Variants in ARHGEF10 observed in about 807,000 individuals in gnomAD.
The protein encoded by ARHGEF10 is Rho guanine nucleotide exchange factor 10.
Under a neutral mutation model 147.4 loss-of-function variants are expected in ARHGEF10, and 140 were observed. The ratio of observed to expected loss-of-function variants is 0.95; its 90% CI spans 0.83 to 1.09. ARHGEF10 has a LOEUF of 1.09. ARHGEF10 is among the 50% of genes least tolerant of loss of function. ARHGEF10 has a pLI of 0.00. For synonymous variants in ARHGEF10, 902 were observed against 695.8 expected (o/e 1.30, Z -4.67); for missense variants, 2,222 against 1,752.7 (o/e 1.27, Z -4.78).
chr8:1,907,486 C>A (rs995352303), intron 17 of ARHGEF10, among the ~76,000 whole-genome samples: 1 of 152,170 alleles, frequency 6.6e-6, no homozygotes, highest in Admixed American at 6.5e-5. Flanking sequence ...CTTGTTGAGT[C>A]TTTTCCGCAT....
At chr8:1,918,459 G>GCT (rs1365631779) in intron 18 of ARHGEF10, among the ~76,000 whole-genome samples, 3 of 104,640 alleles carry the variant, frequency 2.9e-5, no homozygotes, top group Non-Finnish European at 5.7e-5. Context: ...ACATTTGATG[G>GCT]CTGTGTGTGT....
At position 1,881,022 on chromosome 8, in the gene ARHGEF10, G is replaced by A. The variant is rs149978919; in HGVS notation, c.960+858G>A. Among the ~76,000 whole-genome samples the A allele has an allele frequency of 3.1e-3, 472 of 152,328 alleles. 2 individuals are homozygous for A. Among genetic ancestry groups the A allele is most frequent in the African/African-American group, 0.011 (454 of 41,566 alleles). Reference sequence around the variant, plus strand: ...GCCGGAGGCTGCAGGCAGTGTGGCGGGGTTTCTGAGGAGTGGAGGGCGCCA... The same window carrying A: ...GCCGGAGGCTGCAGGCAGTGTGGCGAGGTTTCTGAGGAGTGGAGGGCGCCA... On this transcript the variant is annotated intron_variant, in intron 9 of 28. Transcript: ENST00000349830.
chr8:1,834,126 C>A (rs1421294426), intron 1 of ARHGEF10, among the ~76,000 whole-genome samples: 1 of 152,178 alleles, frequency 6.6e-6, no homozygotes, highest in Non-Finnish European at 1.5e-5. Flanking sequence ...ACGGACAGTT[C>A]TGCCTGGGCA....
At chr8:1,845,901 C>G (rs919452346) in intron 2 of ARHGEF10, among the ~76,000 whole-genome samples, 1 of 152,190 alleles carries the variant, frequency 6.6e-6, no homozygotes, top group Non-Finnish European at 1.5e-5. Flanking sequence ...CAGCAGGACA[C>G]TCCTCTGCTG....
At chr8:1,844,547 T>A (rs1389111733) in intron 2 of ARHGEF10, among the ~76,000 whole-genome samples, 2 of 138,136 alleles carry the variant, frequency 1.4e-5, no homozygotes, top group Non-Finnish European at 3.2e-5. Context: ...GGGTCTGCGG[T>A]GGGGAACCAG....
Position 1,928,623 on chromosome 8 carries a change from C to G in ARHGEF10, c.2894C>G (p.Thr965Arg). The G allele has an allele frequency of 6.2e-7, 1 of 1,614,162 alleles. No individual in the cohort carries two copies. Among genetic ancestry groups the G allele is most frequent in the East Asian group, 2.2e-5 (1 of 44,876 alleles). Reference protein sequence around the residue: ...TPAVRASDVPTICVGTEEGSI... With the variant: ...TPAVRASDVPRICVGTEEGSI... Reference sequence around the variant, plus strand: ...GCCGTGAGAGCTTCTGATGTCCCCACGATCTGTGTAGGGACGGAGGAGGGA... The same window carrying G: ...GCCGTGAGAGCTTCTGATGTCCCCAGGATCTGTGTAGGGACGGAGGAGGGA... Residue 965 changes from threonine to arginine, a missense_variant, in exon 24 of 29, where the codon ACG becomes AGG. Transcript: ENST00000349830.
chr8:1,888,075 T>C (rs527793816), intron 11 of ARHGEF10, among the ~76,000 whole-genome samples: 1 of 139,048 alleles, frequency 7.2e-6, no homozygotes, highest in East Asian at 2.4e-4. Context: ...TGAGGGTTTA[T>C]GAGGAGACAC....
intron 11 of ARHGEF10, among the ~76,000 whole-genome samples, chr8:1,886,345 C>G (rs1473154642): frequency 6.6e-6 from 1 of 152,118 alleles, no homozygotes. Context: ...ATCATGGACA[C>G]CAGGATGGAT....
intron 7 of ARHGEF10, chr8:1,869,538 G>A (rs1279073898): frequency 6.9e-5 from 38 of 552,866 alleles, no homozygotes; most frequent in Non-Finnish European, 1.1e-4. Flanking sequence ...CAGAGGCTGA[G>A]AAGCAGCAAT....
intron 22 of ARHGEF10, 100 bp downstream of exon 22, chr8:1,925,504 G>A: frequency 6.7e-7 from 1 of 1,502,632 alleles, no homozygotes; most frequent in South Asian, 1.2e-5. Flanking sequence ...TCAGAACATG[G>A]TCCTCCCAGG....
chr8:1,922,439 A>C (rs1029780086), intron 18 of ARHGEF10, among the ~76,000 whole-genome samples: 1 of 152,166 alleles, frequency 6.6e-6, no homozygotes, highest in Non-Finnish European at 1.5e-5. Flanking sequence ...ACATGAATCA[A>C]ACTCAAATTG....
chr8:1,899,110 T>A lies in ARHGEF10; in HGVS notation c.1650+585T>A, dbSNP rs1810253600. On this transcript the variant is annotated intron_variant, in intron 15 of 28. Transcript: ENST00000349830. ...ATTCTCAATTGGATACCTGTGGCTG[T>A]GAACAGTAGGCCTGTTCTGAGTGCT... 2.0e-5 allele frequency among the ~76,000 whole-genome samples: 3 copies of A among 152,222 alleles called. 1 individual carries two copies. The highest frequency in any genetic ancestry group is 4.1e-4 in the South Asian group (2 of 4,832).
In ARHGEF10 at chr8:1,843,627, G is replaced by T. The variant is rs114132226; in HGVS notation, c.37+191G>T. On this transcript the variant is annotated intron_variant, in intron 2 of 28. Coordinates refer to ENST00000349830, the MANE Select transcript of ARHGEF10 (RefSeq NM_014629.4). ...CCTTGCCTTGCCACGGGGGCATCCT[G>T]GGTGAGCCTCTTGCGTTCCTCACAG... Among the ~76,000 whole-genome samples the T allele has an allele frequency of 7.1e-3, 1,081 of 152,362 alleles. 15 individuals are homozygous for T. Among genetic ancestry groups the T allele is most frequent in the African/African-American group, 0.025 (1,039 of 41,594 alleles).
chr8:1,858,349 G>T (rs1360116974), intron 3 of ARHGEF10, among the ~76,000 whole-genome samples: 2 of 152,054 alleles, frequency 1.3e-5, no homozygotes, highest in Non-Finnish European at 2.9e-5. Flanking sequence ...CATTCTTACG[G>T]CCCAATTGGA....
rs1176629540 is a variant in ARHGEF10, at chr8:1,832,707, CAGAGACAGAGGCAGAG to C, written c.-48+8611_-48+8626del. Among the ~76,000 whole-genome samples, 6 of 30,784 alleles carry C rather than the reference CAGAGACAGAGGCAGAG, an allele frequency of 1.9e-4. 2 individuals are homozygous for C. The highest frequency in any genetic ancestry group is 4.2e-4 in the Non-Finnish European group (6 of 14,436). The allele number at this position is 30,784 out of a possible 152,430, so 20.2% of individuals were successfully genotyped here. A position where few individuals can be genotyped will look rare whatever the true frequency, so the allele number is the denominator to read the frequency against. On this transcript the variant is annotated intron_variant, in intron 1 of 28. Coordinates refer to ENST00000349830, the MANE Select transcript of ARHGEF10 (RefSeq NM_014629.4). ...ACAGAGACAGAGAGACAGGCAGAGG[CAGAGACAGAGGCAGAG>C]AGAGACAGAGGCAGAGGCAGAGGCA... is the stretch of plus-strand genomic sequence containing the variant.
In ARHGEF10 at chr8:1,929,423, C is replaced by A; in HGVS notation, c.3059C>A (p.Ala1020Asp). ...GCTGGCCTGGTCAACGGGGCAGTCG[C>A]CAGCTACGCCAGAGCCCCAGGTGAG... ...LYAGLVNGAVASYARAPDGSW... is the reference protein window; with the variant it reads ...LYAGLVNGAVDSYARAPDGSW... Residue 1020 changes from alanine (A) to aspartate (D), a missense_variant, in exon 25 of 29, where the codon GCC becomes GAC. Ala to Asp is a moderately radical substitution (Grantham distance 126). Transcript: ENST00000349830. The A allele has an allele frequency of 1.2e-6, 2 of 1,609,598 alleles. No individual in the cohort carries two copies. Among genetic ancestry groups the A allele is most frequent in the Non-Finnish European group, 1.7e-6 (2 of 1,177,998 alleles).
At chr8:1,850,291 TGG>T (rs1805011713) in intron 2 of ARHGEF10, among the ~76,000 whole-genome samples, 1 of 124,288 alleles carries the variant, frequency 8.0e-6, no homozygotes, top group African/African-American at 3.0e-5. Flanking sequence ...GGCGGCCGCG[TGG>T]GCATGGACGG....
At chr8:1,824,365 G>C (rs1272797833) in intron 1 of ARHGEF10, among the ~76,000 whole-genome samples, 5 of 152,098 alleles carry the variant, frequency 3.3e-5, no homozygotes, top group African/African-American at 1.2e-4. Flanking sequence ...ACTGGCAGCA[G>C]GGACCCCTGG....
chr8:1,890,483 T>G (rs1340135517), intron 11 of ARHGEF10, among the ~76,000 whole-genome samples: 1 of 146,464 alleles, frequency 6.8e-6, no homozygotes, highest in Non-Finnish European at 1.5e-5. Context: ...AGACACTGAG[T>G]GGGGTGAGGG....
Sources: gnomAD v4.1 joint callset for allele counts (sites outside exome capture counted in the v4.1 genomes callset) on GRCh38, gnomAD v4.1.1 for gene constraint, MANE v1.5 for transcripts, NCBI Gene and HGNC (gene_info 2026-07-23, HGNC 2026-07-21) for gene names.